Variants in MYO1B observed in about 807,000 individuals in gnomAD.
MYO1B encodes unconventional myosin-Ib.
Under a neutral mutation model 159.7 loss-of-function variants are expected in MYO1B, and 72 were observed. The observed-to-expected ratio is 0.45, with a 90% CI of 0.37 to 0.55. The LOEUF (loss-of-function observed/expected upper bound fraction) is 0.55, where lower values mean the gene tolerates loss of function less well. MYO1B is among the 20% of genes least tolerant of loss of function. The pLI is 0.00. For missense variants in MYO1B, 1,062 were observed against 1,364.8 expected (o/e 0.78, Z 3.50); for synonymous variants, 468 against 473.8 (o/e 0.99, Z 0.16).
intron 21 of MYO1B, among the ~76,000 whole-genome samples, chr2:191,397,809 G>C (rs1157092392): frequency 2.1e-5 from 3 of 145,724 alleles, no homozygotes; most frequent in Non-Finnish European, 4.6e-5. Flanking sequence ...GGGGCGTCTG[G>C]CCGGGCGGGG....
chr2:191,321,794 C>T (rs1690733927), intron 3 of MYO1B, among the ~76,000 whole-genome samples: 1 of 152,132 alleles, frequency 6.6e-6, no homozygotes, highest in South Asian at 2.1e-4. Flanking sequence ...TTATTACCTT[C>T]TCCTACCCCC....
Position 191,388,700 on chromosome 2 carries a change from T to G in MYO1B, c.1781+1250T>G, listed in dbSNP as rs149004423. ...GTTGCTTTTGTTATTCTCAATTGAATGAATTTTTTTTTTGCATCTTAACTC... is the reference window on the plus strand; with the variant it reads ...GTTGCTTTTGTTATTCTCAATTGAAGGAATTTTTTTTTTGCATCTTAACTC... On this transcript the variant is annotated intron_variant, in intron 17 of 30. Transcript: ENST00000392318. Among the ~76,000 whole-genome samples the G allele has an allele frequency of 5.5e-3, 830 of 152,284 alleles. 2 individuals carry two copies. Among genetic ancestry groups the G allele is most frequent in the South Asian group, 0.01 (50 of 4,826 alleles).
intron 6 of MYO1B, among the ~76,000 whole-genome samples, chr2:191,348,470 T>G (rs1315238380): frequency 6.6e-6 from 1 of 152,330 alleles, no homozygotes; most frequent in East Asian, 1.9e-4. Context: ...GGTCAACCTC[T>G]GACTCCTTTG....
intron 3 of MYO1B, among the ~76,000 whole-genome samples, chr2:191,318,782 T>C (rs898179451): frequency 3.9e-5 from 6 of 152,258 alleles, no homozygotes; most frequent in African/African-American, 1.4e-4. Context: ...ATTTGAGTGC[T>C]GTGCATTTGG....
intron 3 of MYO1B, among the ~76,000 whole-genome samples, chr2:191,304,223 T>C (rs1309126504): frequency 6.6e-6 from 1 of 152,188 alleles, no homozygotes; most frequent in Non-Finnish European, 1.5e-5. Flanking sequence ...ACTTGCTGCC[T>C]TTGACTTTCA....
Position 191,393,202 on chromosome 2 carries a change from G to T in MYO1B, c.2206G>T (p.Ala736Ser), listed in dbSNP as rs772879693. ...LMKKSQIVIA[A>S]WYRRYAQQKR... Reference sequence around the variant, plus strand: ...GAAAAAAAGCCAAATTGTGATTGCCGCCTGGTACAGGAGATATGCGGTAAG... The same window carrying T: ...GAAAAAAAGCCAAATTGTGATTGCCTCCTGGTACAGGAGATATGCGGTAAG... The change falls in exon 20 of 31, where the codon GCC becomes TCC. Residue 736 changes from alanine to serine, a missense_variant. Around this residue, in one of 5 missense-constraint regions of MYO1B, gnomAD observed 609 missense variants for 744.4 expected, o/e 0.82. Transcript: ENST00000392318. The T allele has an allele frequency of 6.2e-7, 1 of 1,613,852 alleles. No homozygotes were observed. The highest frequency in any genetic ancestry group is 2.2e-5 in the East Asian group (1 of 44,896).
In MYO1B at chr2:191,392,157, T is replaced by G. The variant is rs1486447359; in HGVS notation, c.2032T>G (p.Tyr678Asp). 6.2e-7 allele frequency: 1 copy of G among 1,610,316 alleles called. No individual in the cohort carries two copies. Among genetic ancestry groups the G allele is most frequent in the East Asian group, 2.2e-5 (1 of 44,766 alleles). Residue 678 changes from tyrosine (Y) to aspartate (D), a missense_variant, in exon 19 of 31, where the codon TAC (tyrosine) becomes GAC (aspartate). Around this residue, in one of 5 missense-constraint regions of MYO1B, gnomAD observed 609 missense variants for 744.4 expected, o/e 0.82. Coordinates refer to ENST00000392318, the MANE Select transcript of MYO1B (RefSeq NM_001130158.3). ...TGAATTAGAAATTCCCGTGGAAGAA[T>G]ACTCCTTTGGTAGATCAAAGATATT... ...FNELEIPVEE[Y>D]SFGRSKIFIR...
intron 20 of MYO1B, among the ~76,000 whole-genome samples, chr2:191,395,605 A>G (rs1696022023): frequency 6.6e-6 from 1 of 152,254 alleles, no homozygotes; most frequent in South Asian, 2.1e-4. Flanking sequence ...TCACTTTTCT[A>G]GGGAGTATTC....
At chr2:191,281,263 G>A (rs577594557) in intron 2 of MYO1B, among the ~76,000 whole-genome samples, 2 of 152,326 alleles carry the variant, frequency 1.3e-5, no homozygotes, top group Admixed American at 6.5e-5. Context: ...AGATATTGAC[G>A]TGGTCTTCGC....
rs961231840 is a variant in MYO1B, at chr2:191,276,870, T to C, written c.-9-17T>C. ...ATTTTGCTCGTTTAAATTGACCCCT[T>C]TCCCTCTCTTCTGCAGCTGGAGACC... is the stretch of plus-strand genomic sequence containing the variant. On this transcript the variant is annotated splice_polypyrimidine_tract_variant and intron_variant, in intron 1 of 30. Coordinates refer to ENST00000392318, the MANE Select transcript of MYO1B (RefSeq NM_001130158.3). The C allele has an allele frequency of 6.3e-7, 1 of 1,586,882 alleles. No individual in the cohort carries two copies. The highest frequency in any genetic ancestry group is 1.9e-5 in the Admixed American group (1 of 51,506).
At chr2:191,372,438 C>T (rs1372821370) in intron 13 of MYO1B, among the ~76,000 whole-genome samples, 1 of 152,184 alleles carries the variant, frequency 6.6e-6, no homozygotes, top group African/African-American at 2.4e-5. Context: ...TGAGTTATAA[C>T]TCATAAACAA....
chr2:191,333,421 A>G (rs1231469708), intron 4 of MYO1B, among the ~76,000 whole-genome samples: 1 of 152,204 alleles, frequency 6.6e-6, no homozygotes, highest in Admixed American at 6.5e-5. Context: ...CCTAGTTATC[A>G]CACTAGAAAT....
chr2:191,317,963 T>A (rs1256433233), intron 3 of MYO1B, among the ~76,000 whole-genome samples: 1 of 152,228 alleles, frequency 6.6e-6, no homozygotes, highest in Admixed American at 6.5e-5. Flanking sequence ...TTTTATTTCT[T>A]TTTTTGCATG....
intron 7 of MYO1B, among the ~76,000 whole-genome samples, chr2:191,355,902 T>G (rs1287058176): frequency 6.6e-6 from 1 of 152,180 alleles, no homozygotes; most frequent in East Asian, 1.9e-4. Context: ...TTGCTTTGTT[T>G]TTTTCACATT....
chr2:191,403,812 A>T (rs1462121637), intron 24 of MYO1B, among the ~76,000 whole-genome samples: 1 of 152,182 alleles, frequency 6.6e-6, no homozygotes, highest in Non-Finnish European at 1.5e-5. Flanking sequence ...CAAGCTCTAT[A>T]ACCGGTTTTT....
chr2:191,317,322 G>A (rs1690416326), intron 3 of MYO1B, among the ~76,000 whole-genome samples: 1 of 152,176 alleles, frequency 6.6e-6, no homozygotes, highest in African/African-American at 2.4e-5. Context: ...AGACGAAAGG[G>A]CATATCAGCT....
At chr2:191,316,244 A>T (rs539545094) in intron 3 of MYO1B, among the ~76,000 whole-genome samples, 1 of 152,344 alleles carries the variant, frequency 6.6e-6, no homozygotes, top group South Asian at 2.1e-4. Context: ...TCATTAATAG[A>T]TTGGTCTGCC....
intron 6 of MYO1B, 102 bp from the exon 7 acceptor site, chr2:191,350,060 C>G: frequency 1.1e-6 from 1 of 881,620 alleles, no homozygotes; most frequent in South Asian, 1.5e-5. Flanking sequence ...TACATTTAAA[C>G]AAATGTATAA....
At chr2:191,371,267 T>A (rs1694346312) in intron 13 of MYO1B, among the ~76,000 whole-genome samples, 1 of 152,162 alleles carries the variant, frequency 6.6e-6, no homozygotes, top group African/African-American at 2.4e-5. Context: ...ATTTACATGT[T>A]CTAAAAAATT....
Sources: gnomAD v4.1 joint callset for allele counts (sites outside exome capture counted in the v4.1 genomes callset) on GRCh38, gnomAD v4.1.1 for gene constraint, gnomAD v4.1.1 regional missense constraint, MANE v1.5 for transcripts, NCBI Gene and HGNC (gene_info 2026-07-23, HGNC 2026-07-21) for gene names.